The following AOPEP variants were observed in gnomAD, a reference collection of about 807,000 sequenced individuals.
AOPEP encodes the protein aminopeptidase O.
A neutral mutation model predicts 98.1 loss-of-function variants in AOPEP; 77 were observed. That is an observed-to-expected ratio of 0.78 (90% confidence interval 0.65 to 0.95). The LOEUF (loss-of-function observed/expected upper bound fraction) is 0.95. Ranked by LOEUF, AOPEP falls within the 40% of genes least tolerant of loss-of-function variation. The pLI, the probability that AOPEP is intolerant of heterozygous loss-of-function variation, is 0.00. For missense variants in AOPEP, 1,024 were observed against 1,024.7 expected, an observed-to-expected ratio of 1.00 and a Z score of 0.01; for synonymous variants, 346 against 365.3, an observed-to-expected ratio of 0.95 and a Z score of 0.60.
chr9:95,080,628 AC>A (rs749784942), intron 14 of AOPEP, 65 bp from the exon 15 acceptor site: 5 of 1,137,110 alleles, frequency 4.4e-6, no homozygotes, highest in Non-Finnish European at 6.6e-6. Flanking sequence ...GCTGCCTGTC[AC>A]TGGGCCCGGT....
intron 5 of AOPEP, among the ~76,000 whole-genome samples, chr9:94,920,013 C>A (rs926609756): frequency 6.6e-6 from 1 of 152,130 alleles, no homozygotes; most frequent in Non-Finnish European, 1.5e-5. Flanking sequence ...TGCGGCCAGG[C>A]GCAGTGACTC....
At chr9:94,986,796 C>T (rs1372455436) in intron 11 of AOPEP, among the ~76,000 whole-genome samples, 1 of 152,146 alleles carries the variant, frequency 6.6e-6, no homozygotes, top group Non-Finnish European at 1.5e-5. Context: ...CTCTGGTGCC[C>T]CCAAATGAAA....
At chr9:95,030,490 C>G (rs1374198443) in intron 13 of AOPEP, among the ~76,000 whole-genome samples, 16 of 152,188 alleles carry the variant, frequency 1.1e-4, no homozygotes, top group Non-Finnish European at 2.9e-5. Context: ...TTAACTGATT[C>G]CATTTGATAA....
intron 11 of AOPEP, among the ~76,000 whole-genome samples, chr9:94,989,900 C>T (rs551178063): frequency 1.3e-5 from 2 of 152,038 alleles, no homozygotes; most frequent in Admixed American, 6.5e-5. Flanking sequence ...TGAGCCACTG[C>T]GCCCGGCCAA....
intron 1 of AOPEP, among the ~76,000 whole-genome samples, chr9:94,753,948 A>G (rs1836423614): frequency 6.6e-6 from 1 of 152,206 alleles, no homozygotes; most frequent in African/African-American, 2.4e-5. Context: ...TCATTTCAGC[A>G]TTGTTTGCAA....
At chr9:94,731,130 G>A (rs1830422737) in intron 1 of AOPEP, among the ~76,000 whole-genome samples, 1 of 152,114 alleles carries the variant, frequency 6.6e-6, no homozygotes, top group Admixed American at 6.5e-5. Context: ...TTCTCACTCC[G>A]CCCGGTAAGT....
intron 1 of AOPEP, among the ~76,000 whole-genome samples, chr9:94,729,457 G>A (rs937799234): frequency 1.3e-5 from 2 of 151,880 alleles, no homozygotes; most frequent in Non-Finnish European, 2.9e-5. Flanking sequence ...GTAGTCTCAG[G>A]TACTTGGGGG....
chr9:95,015,619 A>C (rs894745822), intron 13 of AOPEP, among the ~76,000 whole-genome samples: 1 of 152,192 alleles, frequency 6.6e-6, no homozygotes, highest in Non-Finnish European at 1.5e-5. Flanking sequence ...ATAGAAGACA[A>C]TTGAATCACA....
At chr9:95,142,501 C>T in the AOPEP span, 1 of 152,260 alleles carries the variant, frequency 6.6e-6, no homozygotes, top group Non-Finnish European at 1.5e-5. Context: ...CTTCTGAGAT[C>T]AGGCAAGACT....
intron 5 of AOPEP, among the ~76,000 whole-genome samples, chr9:94,902,352 G>A (rs1335194911): frequency 6.6e-6 from 1 of 152,264 alleles, no homozygotes; most frequent in East Asian, 1.9e-4. Flanking sequence ...GTGGGGTTAG[G>A]GTGAGCAGGG....
intron 3 of AOPEP, 49 bp downstream of exon 3, chr9:94,773,217 C>G (rs759933589): frequency 6.7e-7 from 1 of 1,482,830 alleles, no homozygotes; most frequent in Non-Finnish European, 9.2e-7. Context: ...CACATGTGGA[C>G]CCAGGAACCC....
chr9:95,101,014 G>A, the AOPEP span: 1 of 233,498 alleles, frequency 4.3e-6, no homozygotes, highest in Admixed American at 5.6e-5. Context: ...GCCTTCTAAT[G>A]TTTCTGGAAC....
chr9:94,973,682 A>G (rs1406348227), intron 10 of AOPEP, among the ~76,000 whole-genome samples: 2 of 152,260 alleles, frequency 1.3e-5, no homozygotes, highest in Admixed American at 6.5e-5. Flanking sequence ...CCTGGGTTTC[A>G]GTACTGAGGC....
At chr9:95,100,641 CT>C in the AOPEP span, 3 of 229,594 alleles carry the variant, frequency 1.3e-5, no homozygotes, top group East Asian at 6.2e-5. Context: ...CTAACAATGC[CT>C]TTTTTTAAGA....
At position 95,050,633 on chromosome 9, in the gene AOPEP, C is replaced by A. The variant is rs113063843; in HGVS notation, c.2116-10061C>A. Among the ~76,000 whole-genome samples the A allele has an allele frequency of 8.5e-5, 13 of 152,322 alleles. 2 individuals are homozygous for A. The highest frequency in any genetic ancestry group is 3.1e-4 in the African/African-American group (13 of 41,576). ...GTTGGACTCACCTCACCACCTCCCC[C>A]CTGCTCCTTAGTTGTGGTCGGCTCT... On this transcript the variant is annotated intron_variant, in intron 13 of 16. Transcript: ENST00000375315.
chr9:95,011,253 G>A (rs546463906), intron 13 of AOPEP, among the ~76,000 whole-genome samples: 1 of 122,510 alleles, frequency 8.2e-6, no homozygotes, highest in Non-Finnish European at 1.6e-5. Flanking sequence ...GTCTCACTCT[G>A]TCCCCCAGGC....
the AOPEP span, among the ~76,000 whole-genome samples, chr9:95,140,915 C>T: frequency 6.6e-6 from 1 of 152,046 alleles, no homozygotes; most frequent in South Asian, 2.1e-4. Flanking sequence ...CCCAAACACA[C>T]CAGAATGTCT....
At chr9:94,962,119 C>T (rs1235058549) in intron 9 of AOPEP, among the ~76,000 whole-genome samples, 1 of 152,134 alleles carries the variant, frequency 6.6e-6, no homozygotes, top group Non-Finnish European at 1.5e-5. Flanking sequence ...ATGTCCCCTG[C>T]CAAGATTCTT....
At chr9:95,110,390 T>C in the AOPEP span, 1 of 1,024,070 alleles carries the variant, frequency 9.8e-7, no homozygotes, top group Non-Finnish European at 1.2e-6. Context: ...GCCCCGTACA[T>C]CTTATTACTG....
Sources: gnomAD v4.1 joint callset for allele counts (sites outside exome capture counted in the v4.1 genomes callset) on GRCh38, gnomAD v4.1.1 for gene constraint, MANE v1.5 for transcripts, NCBI Gene and HGNC (gene_info 2026-07-23, HGNC 2026-07-21) for gene names.